PRRC2C: variants seen among roughly 807,000 people sequenced by gnomAD.
PRRC2C encodes the protein protein PRRC2C.
PRRC2C carries 72 observed loss-of-function variants against 317.2 expected under a neutral mutation model. That is an observed-to-expected ratio of 0.23 (90% confidence interval 0.19 to 0.28). The LOEUF (loss-of-function observed/expected upper bound fraction) is 0.28. PRRC2C is among the 10% of genes least tolerant of loss of function. PRRC2C has a pLI of 1.00. For synonymous variants in PRRC2C, 1,296 were observed against 1,205.9 expected (o/e 1.07, Z -1.55); for missense variants, 3,074 against 3,459.7 (o/e 0.89, Z 2.80).
At position 171,566,729 on chromosome 1, in the gene PRRC2C, A is replaced by G. The variant is rs746704695; in HGVS notation, c.6444A>G (p.Thr2148=). ...GACAAGAGAAACCAAGCCCAGCTAC[A>G]GTCAGAAGCACAGATCCTGTCACGA... is the stretch of plus-strand genomic sequence containing the variant. ...PEGQEKPSPA[T]VRSTDPVTTK... is the part of the protein sequence containing the mutation. The change falls in exon 22 of 35, where the codon ACA becomes ACG. Residue 2148 remains threonine, a synonymous_variant. Coordinates refer to ENST00000647382, the MANE Select transcript of PRRC2C (RefSeq NM_001387844.1). 2 of 1,613,838 alleles carry G rather than the reference A, an allele frequency of 1.2e-6. No individual in the cohort carries two copies. The highest frequency in any genetic ancestry group is 1.7e-6 in the Non-Finnish European group (2 of 1,179,818).
chr1:171,583,649 A>G (rs1223180282), intron 28 of PRRC2C, among the ~76,000 whole-genome samples: 2 of 152,268 alleles, frequency 1.3e-5, no homozygotes, highest in Non-Finnish European at 2.9e-5. Flanking sequence ...ACTGTATGTA[A>G]CTGTATGTAC....
intron 27 of PRRC2C, 134 bp downstream of exon 27, chr1:171,579,600 A>G: frequency 6.4e-6 from 9 of 1,415,062 alleles, no homozygotes; most frequent in Non-Finnish European, 8.3e-6. Flanking sequence ...CTATAAGCAA[A>G]ATTTAAAATT....
At chr1:171,524,375 A>G (rs1674176017) in intron 9 of PRRC2C, among the ~76,000 whole-genome samples, 1 of 152,228 alleles carries the variant, frequency 6.6e-6, no homozygotes, top group Non-Finnish European at 1.5e-5. Context: ...TTTTTCAGTT[A>G]TGGCATTGTG....
chr1:171,505,041 T>C (rs1669918895), intron 1 of PRRC2C, among the ~76,000 whole-genome samples: 1 of 151,914 alleles, frequency 6.6e-6, no homozygotes, highest in Admixed American at 6.6e-5. Flanking sequence ...TTTTTTTTTT[T>C]TTTGAGGCAG....
At position 171,587,630 on chromosome 1, in the gene PRRC2C, T is replaced by C. The variant is rs1216110263; in HGVS notation, c.7969-18T>C. 9 of 1,528,900 alleles carry C rather than the reference T, an allele frequency of 5.9e-6. No individual in the cohort carries two copies. Among genetic ancestry groups the C allele is most frequent in the Non-Finnish European group, 8.1e-6 (9 of 1,104,802 alleles). 94.7% of individuals were successfully genotyped at this position (1,528,900 alleles called of 1,614,324 possible). A position where few individuals can be genotyped will look rare whatever the true frequency, so the allele number is the denominator to read the frequency against. On this transcript the variant is annotated intron_variant, in intron 31 of 34. Transcript: ENST00000647382. ...TGGAATTAAAGAAATGTTAAGTTTA[T>C]TTTATGCTTCTCCTCAGATGTCTGA...
At chr1:171,571,261 A>T in intron 23 of PRRC2C, 59 bp from the exon 24 acceptor site, 1 of 1,001,032 alleles carries the variant, frequency 1.0e-6, no homozygotes, top group South Asian at 1.4e-5. Flanking sequence ...ATTGTCTTTA[A>T]TGGGGCTTTC....
Position 171,522,208 on chromosome 1 carries a change from C to T in PRRC2C, c.782C>T (p.Pro261Leu), listed in dbSNP as rs777408276. Residue 261 changes from proline to leucine, a missense_variant, in exon 7 of 35, where the codon CCT (proline) becomes CTT (leucine). By Grantham distance (98) the Pro-to-Leu change is moderately conservative. Around this residue, in one of 11 missense-constraint regions of PRRC2C, gnomAD observed 237 missense variants for 199.5 expected, o/e 1.19. Transcript: ENST00000647382. ...CAACAGTATCCGAGGATGACATATC[C>T]TCCTCTACATGGTCCCATGAGATTC... ...MFQQYPRMTY[P>L]PLHGPMRFPP... The T allele has an allele frequency of 6.3e-7, 1 of 1,593,184 alleles. No individual in the cohort carries two copies. Among genetic ancestry groups the T allele is most frequent in the East Asian group, 2.2e-5 (1 of 44,626 alleles).
chr1:171,523,200 C>G (rs1318319850), intron 7 of PRRC2C, 21 bp from the exon 8 acceptor site: 3 of 1,582,890 alleles, frequency 1.9e-6, no homozygotes, highest in Non-Finnish European at 2.6e-6. Flanking sequence ...TGTATCTTTT[C>G]CATGACCTGC....
intron 11 of PRRC2C, among the ~76,000 whole-genome samples, chr1:171,529,542 C>T (rs1186563825): frequency 6.6e-6 from 1 of 152,228 alleles, no homozygotes; most frequent in Admixed American, 6.5e-5. Context: ...CTAGCTTTAT[C>T]TATCAGCAGA....
intron 11 of PRRC2C, among the ~76,000 whole-genome samples, chr1:171,529,939 G>A (rs781196749): frequency 1.3e-5 from 2 of 152,160 alleles, no homozygotes; most frequent in Non-Finnish European, 2.9e-5. Flanking sequence ...TGTGATAGCT[G>A]TACATATCAC....
Position 171,545,551 on chromosome 1 carries a change from A to T in PRRC2C, c.4836A>T (p.Glu1612Asp), listed in dbSNP as rs1337008530. 6.2e-7 allele frequency: 1 copy of T among 1,601,440 alleles called. No individual in the cohort carries two copies. The highest frequency in any genetic ancestry group is 1.3e-5 in the African/African-American group (1 of 74,546). Residue 1612 changes from glutamate (E) to aspartate (D), a missense_variant, in exon 17 of 35, where the codon GAA (glutamate) becomes GAT (aspartate). Physicochemically the swap from Glu to Asp is conservative, Grantham distance 45 (BLOSUM62 2). Transcript: ENST00000647382. ...ATGGCAGCTCTGCACACCATCAGGAAGGAGTACCTAATGGTACAGGACAAA... is the reference window on the plus strand; with the variant it reads ...ATGGCAGCTCTGCACACCATCAGGATGGAGTACCTAATGGTACAGGACAAA... ...LINGSSAHHQ[E>D]GVPNGTGQKN...
At chr1:171,525,569 C>G (rs1674404141) in intron 10 of PRRC2C, among the ~76,000 whole-genome samples, 1 of 152,082 alleles carries the variant, frequency 6.6e-6, no homozygotes, top group Admixed American at 6.6e-5. Flanking sequence ...TGGATTCATA[C>G]AAAATAGATG....
At chr1:171,551,535 C>T (rs1571952767) in intron 18 of PRRC2C, among the ~76,000 whole-genome samples, 1 of 152,268 alleles carries the variant, frequency 6.6e-6, no homozygotes, top group East Asian at 1.9e-4. Context: ...AAGTCCTTTC[C>T]CATGCCTATA....
chr1:171,586,935 T>C lies in PRRC2C; in HGVS notation c.7750-68T>C, dbSNP rs1026207201. 16 of 1,164,208 alleles carry C rather than the reference T, an allele frequency of 1.4e-5. No homozygotes were observed. In the East Asian group the frequency reaches 4.1e-4, roughly 30 times the overall value. 72.1% of individuals were successfully genotyped at this position (1,164,208 alleles called of 1,614,324 possible). A position where few individuals can be genotyped will look rare whatever the true frequency, so the allele number is the denominator to read the frequency against. On this transcript the variant is annotated intron_variant, in intron 30 of 34. Coordinates refer to ENST00000647382, the MANE Select transcript of PRRC2C (RefSeq NM_001387844.1). Reference sequence around the variant, plus strand: ...TCAAAAGTATTTGAAGAGTTGTGTATAGTTGTATGGATATGTCTGTAGTAA... The same window carrying C: ...TCAAAAGTATTTGAAGAGTTGTGTACAGTTGTATGGATATGTCTGTAGTAA...
At chr1:171,559,798 GGT>G (rs1682295850) in intron 19 of PRRC2C, among the ~76,000 whole-genome samples, 1 of 152,146 alleles carries the variant, frequency 6.6e-6, no homozygotes, top group Non-Finnish European at 1.5e-5. Flanking sequence ...TGGGATTACA[GGT>G]GTGAGCCACC....
At position 171,541,877 on chromosome 1, in the gene PRRC2C, G is replaced by A; in HGVS notation, c.4411G>A (p.Val1471Ile). 6.2e-7 allele frequency: 1 copy of A among 1,613,818 alleles called. No homozygotes were observed. The highest frequency in any genetic ancestry group is 8.5e-7 in the Non-Finnish European group (1 of 1,179,846). Residue 1471 changes from valine (V) to isoleucine (I), a missense_variant, in exon 16 of 35, where the codon GTT becomes ATT. Transcript: ENST00000647382. This position sits in a 1 kb window ranked among gnomAD's most constrained non-coding sequence, Gnocchi z 4.1. ...AGTTAATAATGTGGCTCAAGAACCAGTTAATACTCTTGGGGATATTTCCGG... is the reference window on the plus strand; with the variant it reads ...AGTTAATAATGTGGCTCAAGAACCAATTAATACTCTTGGGGATATTTCCGG... The part of the protein sequence containing the change: ...GTVNNVAQEP[V>I]NTLGDISGNK...
intron 25 of PRRC2C, among the ~76,000 whole-genome samples, chr1:171,576,039 A>G (rs1300121551): frequency 7.2e-5 from 11 of 152,096 alleles, no homozygotes; most frequent in Admixed American, 2.6e-4. Context: ...TATTAACACA[A>G]ACTCCCGAGA....
chr1:171,538,871 C>T (rs923021249), intron 15 of PRRC2C, among the ~76,000 whole-genome samples: 12 of 152,104 alleles, frequency 7.9e-5, no homozygotes, highest in Middle Eastern at 6.8e-3. Context: ...GTACCATACC[C>T]GGCTAATTTT....
At chr1:171,538,627 C>G (rs1283369253) in intron 15 of PRRC2C, among the ~76,000 whole-genome samples, 1 of 152,192 alleles carries the variant, frequency 6.6e-6, no homozygotes, top group Non-Finnish European at 1.5e-5. Context: ...GTGGAAATTA[C>G]TGGTCTTGAT....
Sources: gnomAD v4.1 joint callset for allele counts (sites outside exome capture counted in the v4.1 genomes callset) on GRCh38, gnomAD v4.1.1 for gene constraint, gnomAD v4.1.1 regional missense constraint, Gnocchi (gnomAD v3.1) non-coding constraint, MANE v1.5 for transcripts, NCBI Gene and HGNC (gene_info 2026-07-23, HGNC 2026-07-21) for gene names.